ASTN2: variants seen among roughly 807,000 people sequenced by gnomAD.
The protein encoded by ASTN2 is astrotactin 2.
A neutral mutation model predicts 139.8 loss-of-function variants in ASTN2; 54 were observed. The observed-to-expected ratio is 0.39, with a 90% CI of 0.31 to 0.48. The LOEUF is 0.48. ASTN2 is among the 20% of genes least tolerant of loss of function. The pLI is 0.95. For synonymous variants in ASTN2, 756 were observed against 719.5 expected (o/e 1.05, Z -0.81); for missense variants, 1,565 against 1,725.1 (o/e 0.91, Z 1.64).
At chr9:116,558,387 A>G (rs1267181435) in intron 19 of ASTN2, among the ~76,000 whole-genome samples, 2 of 152,122 alleles carry the variant, frequency 1.3e-5, no homozygotes, top group East Asian at 3.9e-4. Context: ...AACTGCACTG[A>G]AGAGAAAAAG....
Position 116,734,216 on chromosome 9 carries a change from C to T in ASTN2, c.2397-693G>A, listed in dbSNP as rs183369767. Among the ~76,000 whole-genome samples, 936 of 152,242 alleles carry T rather than the reference C, an allele frequency of 6.1e-3. 58 individuals carry two copies. The South Asian group carries it at 0.16, about 26-fold the overall frequency. ...CCAGGTTAGTGCTCTTTCCCTTGCT[C>T]TAACTTCTTTAGGTGCCTCTAACCC... is the stretch of plus-strand genomic sequence containing the variant. On this transcript the variant is annotated intron_variant, in intron 13 of 22. Transcript: ENST00000313400.
chr9:116,487,500 C>T lies in ASTN2; in HGVS notation c.3356G>A (p.Gly1119Glu). Reference protein sequence around the residue: ...DEYTDTDLYTGEFLSFADDLL... With the variant: ...DEYTDTDLYTEEFLSFADDLL... ...GTCATCAGCAAAACTCAGGAATTCT[C>T]CTGGAGGGAGAAAAAGAAAGATGAG... Residue 1119 changes from glycine to glutamate, a missense_variant and splice_region_variant, in exon 20 of 23, where the codon GGA becomes GAA. This residue lies in a region of ASTN2 where 418 missense variants were observed against 465.8 expected (regional missense o/e 0.90). Transcript: ENST00000313400. 6.2e-7 allele frequency: 1 copy of T among 1,613,258 alleles called. No homozygotes were observed. The highest frequency in any genetic ancestry group is 8.5e-7 in the Non-Finnish European group (1 of 1,179,728).
At chr9:116,683,764 A>G (rs563107116) in intron 16 of ASTN2, among the ~76,000 whole-genome samples, 16 of 152,242 alleles carry the variant, frequency 1.1e-4, no homozygotes, top group African/African-American at 1.4e-4. Flanking sequence ...TCTCCTGAAT[A>G]TGGAAACTAT....
intron 1 of ASTN2, among the ~76,000 whole-genome samples, chr9:117,321,214 G>A (rs1271942822): frequency 6.6e-6 from 1 of 152,196 alleles, no homozygotes; most frequent in African/African-American, 2.4e-5. Flanking sequence ...GAATATCTGT[G>A]GATGCAGTAG....
intron 19 of ASTN2, among the ~76,000 whole-genome samples, chr9:116,565,430 T>TA (rs1374875302): frequency 1.9e-4 from 25 of 131,960 alleles, no homozygotes; most frequent in Non-Finnish European, 3.5e-4. Flanking sequence ...TATATATATA[T>TA]TTATTTATTT....
intron 13 of ASTN2, among the ~76,000 whole-genome samples, chr9:116,784,541 G>T (rs1244505745): frequency 6.6e-6 from 1 of 152,150 alleles, no homozygotes. Context: ...ATGTTTTCAT[G>T]GCATTCTCCC....
chr9:116,612,785 C>A (rs1456357387), intron 19 of ASTN2: 1 of 151,622 alleles, frequency 6.6e-6, no homozygotes, highest in African/African-American at 2.4e-5. Flanking sequence ...CTGAAACTGA[C>A]ACCCTAACAT....
intron 19 of ASTN2, among the ~76,000 whole-genome samples, chr9:116,488,317 T>G (rs1192532064): frequency 6.6e-6 from 1 of 152,128 alleles, no homozygotes; most frequent in Non-Finnish European, 1.5e-5. Flanking sequence ...TGGGATCTAG[T>G]CTTAGTTCTG....
In ASTN2 at chr9:117,069,268, C is replaced by G. The variant is rs1031478992; in HGVS notation, c.1276+26776G>C. On this transcript the variant is annotated intron_variant, in intron 5 of 22. Transcript: ENST00000313400. The stretch of plus-strand genomic sequence containing the variant: ...TTTCTGCCTTCATTTCGTTATGTAC[C>G]CAGTAGTCACTCAGGAGCAGGTTGT... Among the ~76,000 whole-genome samples the G allele has an allele frequency of 2.3e-4, 24 of 106,536 alleles. No homozygotes were observed. The South Asian group carries it at 7.7e-3, about 34-fold the overall frequency. The allele number at this position is 106,536 out of a possible 152,430, so 69.9% of individuals were successfully genotyped here. A position where few individuals can be genotyped will look rare whatever the true frequency, so the allele number is the denominator to read the frequency against.
chr9:116,861,286 C>T (rs1194202357), intron 11 of ASTN2, among the ~76,000 whole-genome samples: 1 of 150,880 alleles, frequency 6.6e-6, no homozygotes. Flanking sequence ...AGGTTTCATT[C>T]CTATGGGATA....
At chr9:117,078,402 T>A (rs561655903) in intron 5 of ASTN2, among the ~76,000 whole-genome samples, 3 of 152,316 alleles carry the variant, frequency 2.0e-5, no homozygotes, top group African/African-American at 7.2e-5. Context: ...GTCTTTTGTA[T>A]CCCAAAGCCA....
intron 1 of ASTN2, among the ~76,000 whole-genome samples, chr9:117,392,000 T>C (rs1830554625): frequency 6.6e-6 from 1 of 152,164 alleles, no homozygotes; most frequent in South Asian, 2.1e-4. Context: ...GTTATGCTGA[T>C]ACAAGATGTA....
intron 16 of ASTN2, chr9:116,697,847 G>A (rs771473463): frequency 3.7e-6 from 6 of 1,614,176 alleles, no homozygotes; most frequent in Non-Finnish European, 5.1e-6. Flanking sequence ...TGCGTCCCAA[G>A]CTTCTGCACT....
chr9:117,220,515 C>T (rs1269677328), intron 2 of ASTN2, among the ~76,000 whole-genome samples: 3 of 152,124 alleles, frequency 2.0e-5, no homozygotes, highest in Non-Finnish European at 4.4e-5. Flanking sequence ...TTAAAGTGGG[C>T]CCTAAATCCA....
chr9:116,525,020 T>C (rs1587936577), intron 19 of ASTN2, among the ~76,000 whole-genome samples: 1 of 152,270 alleles, frequency 6.6e-6, no homozygotes, highest in Middle Eastern at 3.4e-3. Flanking sequence ...AAGACAGGGA[T>C]ATGTGGAAAA....
rs759933298 is a variant in ASTN2 at position 116,884,803 on chromosome 9, G to GCCCC, written c.1890-21074_1890-21071dup. Among the ~76,000 whole-genome samples, 298 of 69,532 alleles carry GCCCC rather than the reference G, an allele frequency of 4.3e-3. 3 individuals are homozygous for GCCCC. The highest frequency in any genetic ancestry group is 5.2e-3 in the African/African-American group (78 of 14,864). The allele number at this position is 69,532 out of a possible 152,430, so 45.6% of individuals were successfully genotyped here. A position where few individuals can be genotyped will look rare whatever the true frequency, so the allele number is the denominator to read the frequency against. On this transcript the variant is annotated intron_variant, in intron 10 of 22. Transcript: ENST00000313400. ...TGTGCATGTCAATCTCCAAATATCC[G>GCCCC]CCCCCCCCCCACCCACTTTTTTTTT...
At chr9:117,266,275 G>A (rs891870481) in intron 2 of ASTN2, among the ~76,000 whole-genome samples, 3 of 151,982 alleles carry the variant, frequency 2.0e-5, no homozygotes, top group Admixed American at 2.0e-4. Flanking sequence ...TAATAAGCAC[G>A]CCTACAAAGC....
At chr9:117,017,080 C>T (rs780085498) in intron 6 of ASTN2, among the ~76,000 whole-genome samples, 6 of 151,736 alleles carry the variant, frequency 4.0e-5, no homozygotes, top group East Asian at 1.9e-4. Context: ...GAAGTTTTGA[C>T]GTTTCAAAAA....
At chr9:117,049,004 C>G (rs987174978) in intron 5 of ASTN2, among the ~76,000 whole-genome samples, 7 of 104,838 alleles carry the variant, frequency 6.7e-5, no homozygotes, top group African/African-American at 2.3e-4. Context: ...GCTCTGTTGC[C>G]CTGGCTGGAG....
Sources: gnomAD v4.1 joint callset for allele counts (sites outside exome capture counted in the v4.1 genomes callset) on GRCh38, gnomAD v4.1.1 for gene constraint, gnomAD v4.1.1 regional missense constraint, MANE v1.5 for transcripts, NCBI Gene and HGNC (gene_info 2026-07-23, HGNC 2026-07-21) for gene names.